Variants in GADD45GIP1 observed in about 807,000 individuals in gnomAD.
GADD45GIP1 encodes the protein GADD45G interacting protein 1.
GADD45GIP1 carries 17 observed loss-of-function variants against 22.1 expected under a neutral mutation model. The ratio of observed to expected loss-of-function variants is 0.77; its 90% CI spans 0.53 to 1.15. GADD45GIP1 has a LOEUF of 1.15. Among genes scored for constraint, GADD45GIP1 ranks in the 50% most tolerant of loss-of-function variants. GADD45GIP1 has a pLI of 0.00. For synonymous variants in GADD45GIP1, 135 were observed against 138.4 expected (o/e 0.98, Z 0.17); for missense variants, 294 against 314.0 (o/e 0.94, Z 0.48).
At chr19:12,956,312 C>T (rs936421450) in intron 1 of GADD45GIP1, among the ~76,000 whole-genome samples, 11 of 152,208 alleles carry the variant, frequency 7.2e-5, no homozygotes, top group African/African-American at 2.7e-4. Context: ...CGAGCCACCG[C>T]CCCCGGCCTG....
Position 12,957,178 on chromosome 19 carries a change from A to G in GADD45GIP1, c.35T>C (p.Leu12Pro), listed in dbSNP as rs1971936064. Residue 12 changes from leucine (L) to proline (P), a missense_variant, in exon 1 of 2, where the codon CTA (leucine) becomes CCA (proline). Leu to Pro is a moderately conservative substitution (Grantham distance 98, BLOSUM62 -3). Transcript: ENST00000316939. The stretch of plus-strand genomic sequence containing the variant: ...CGGGGCCAGGGTCGCCGCCACACCT[A>G]GTAGGCTGCGTGCCTGTCGCACGGA... ...AASVRQARSL[L>P]GVAATLAPGS... 1.4e-6 allele frequency: 2 copies of G among 1,411,510 alleles called. No homozygotes were observed. Among genetic ancestry groups the G allele is most frequent in the Non-Finnish European group, 1.8e-6 (2 of 1,094,454 alleles). The allele number at this position is 1,411,510 out of a possible 1,614,324, so 87.4% of individuals were successfully genotyped here. A position where few individuals can be genotyped will look rare whatever the true frequency, so the allele number is the denominator to read the frequency against.
At position 12,957,039 on chromosome 19, in the gene GADD45GIP1, A is replaced by G. The variant is rs765378112; in HGVS notation, c.174T>C (p.Ala58=). 2 of 1,590,654 alleles carry G rather than the reference A, an allele frequency of 1.3e-6. No individual in the cohort carries two copies. The highest frequency in any genetic ancestry group is 1.1e-5 in the South Asian group (1 of 89,716). Residue 58 remains alanine, a synonymous_variant, in exon 1 of 2, where the codon GCT becomes GCC. Transcript: ENST00000316939. ...PRWQLGPRYA[A]KQFARYGAAS... is the part of the protein sequence containing the mutation. Reference sequence around the variant, plus strand: ...CGGCGCCGTAACGCGCGAACTGCTTAGCCGCGTAGCGCGGTCCCAGCTGCC... The same window carrying G: ...CGGCGCCGTAACGCGCGAACTGCTTGGCCGCGTAGCGCGGTCCCAGCTGCC...
At position 12,953,209 on chromosome 19, in the gene GADD45GIP1, AAG is replaced by A. The variant is rs1971864261; in HGVS notation, c.*997_*998del. 1.3e-5 allele frequency: 7 copies of A among 523,546 alleles called. No homozygotes were observed. Among genetic ancestry groups the A allele is most frequent in the Non-Finnish European group, 2.2e-5 (7 of 312,714 alleles). The allele number at this position is 523,546 out of a possible 1,614,324, so 32.4% of individuals were successfully genotyped here. A position where few individuals can be genotyped will look rare whatever the true frequency, so the allele number is the denominator to read the frequency against. ...AACAGTCCAGCTTCCTGTCCTCCTA[AAG>A]TGGCCCCTGTTCCCATCTCCCGGGC... On this transcript the variant is annotated 3_prime_UTR_variant, in exon 2 of 2. Transcript: ENST00000316939.
In GADD45GIP1 at chr19:12,954,185, C is replaced by T. The variant is rs753238373; in HGVS notation, c.*23G>A. 1.2e-6 allele frequency: 2 copies of T among 1,600,294 alleles called. No individual in the cohort carries two copies. The highest frequency in any genetic ancestry group is 2.7e-5 in the African/African-American group (2 of 74,178). ...TTCAGGGGTACTGCCAGGTAGCAGG[C>T]TTTATTGGGAAGGGACAAAGCCTCA... On this transcript the variant is annotated 3_prime_UTR_variant, in exon 2 of 2. Transcript: ENST00000316939.
chr19:12,954,645 T>C (rs1971901580), intron 1 of GADD45GIP1, 119 bp from the exon 2 acceptor site: 3 of 729,882 alleles, frequency 4.1e-6, no homozygotes, highest in Admixed American at 2.9e-5. Flanking sequence ...CCCCAGTAGA[T>C]TAACTGTCAG....
chr19:12,954,101 A>T lies in GADD45GIP1; in HGVS notation c.*107T>A. On this transcript the variant is annotated 3_prime_UTR_variant, in exon 2 of 2. Coordinates refer to ENST00000316939, the MANE Select transcript of GADD45GIP1 (RefSeq NM_052850.4). Reference sequence around the variant, plus strand: ...CAAGTGGGGGATTCCCCAGCTCTTAAGTATTGGGGGAGGAACCAGGGGACC... The same window carrying T: ...CAAGTGGGGGATTCCCCAGCTCTTATGTATTGGGGGAGGAACCAGGGGACC... The T allele has an allele frequency of 1.0e-6, 1 of 952,438 alleles. No individual in the cohort carries two copies. The highest frequency in any genetic ancestry group is 1.6e-6 in the Non-Finnish European group (1 of 619,522). 59.0% of individuals were successfully genotyped at this position (952,438 alleles called of 1,614,324 possible).
Position 12,954,046 on chromosome 19 carries a change from C to T in GADD45GIP1, c.*162G>A. 1.5e-6 allele frequency: 1 copy of T among 669,438 alleles called. No homozygotes were observed. The allele number at this position is 669,438 out of a possible 1,614,324, so 41.5% of individuals were successfully genotyped here. A position where few individuals can be genotyped will look rare whatever the true frequency, so the allele number is the denominator to read the frequency against. ...TGAAGCCCCAGTTAGTCAGCAGGGC[C>T]TAGAGTCCCTGTCCCCTTTTGAGTA... On this transcript the variant is annotated 3_prime_UTR_variant, in exon 2 of 2. Coordinates refer to ENST00000316939, the MANE Select transcript of GADD45GIP1 (RefSeq NM_052850.4).
chr19:12,956,166 ACACTCTT>A (rs1232516078), intron 1 of GADD45GIP1, among the ~76,000 whole-genome samples: 1 of 152,224 alleles, frequency 6.6e-6, no homozygotes, highest in Non-Finnish European at 1.5e-5. Flanking sequence ...CCTCAGGCAC[ACACTCTT>A]CACTCTTTTA....
rs999741063 is a variant in GADD45GIP1 at position 12,957,207 on chromosome 19, C to A, written c.6G>T (p.Ala2=). The A allele has an allele frequency of 1.5e-5, 21 of 1,394,576 alleles. No individual in the cohort carries two copies. Among genetic ancestry groups the A allele is most frequent in the Non-Finnish European group, 1.8e-5 (20 of 1,083,990 alleles). The allele number at this position is 1,394,576 out of a possible 1,614,324, so 86.4% of individuals were successfully genotyped here. A position where few individuals can be genotyped will look rare whatever the true frequency, so the allele number is the denominator to read the frequency against. M[A]ASVRQARSLL... is the part of the protein sequence containing the mutation. The stretch of plus-strand genomic sequence containing the variant: ...GGCTGCGTGCCTGTCGCACGGACGC[C>A]GCCATCTTGGCTGTGCGGGGTCCTC... The change falls in exon 1 of 2, where the codon GCG becomes GCT. Residue 2 remains alanine, a synonymous_variant. Transcript: ENST00000316939.
At chr19:12,955,897 T>C (rs986061644) in intron 1 of GADD45GIP1, among the ~76,000 whole-genome samples, 1 of 152,146 alleles carries the variant, frequency 6.6e-6, no homozygotes, top group African/African-American at 2.4e-5. Flanking sequence ...CCCTGGTCCT[T>C]CAGACCTGCC....
At chr19:12,955,617 T>C (rs1468038814) in intron 1 of GADD45GIP1, among the ~76,000 whole-genome samples, 1 of 152,010 alleles carries the variant, frequency 6.6e-6, no homozygotes, top group African/African-American at 2.4e-5. Context: ...CCTAGCACTT[T>C]GGGAGGCCGA....
In GADD45GIP1 at chr19:12,956,847, G is replaced by C; in HGVS notation, c.350+16C>G. 1 of 1,593,400 alleles carries C rather than the reference G, an allele frequency of 6.3e-7. No homozygotes were observed. The highest frequency in any genetic ancestry group is 8.5e-7 in the Non-Finnish European group (1 of 1,176,744). ...GGGCACAGAGGGCAGCCCCGCGTCTGCCTGCACGCACGCACCTCTCCCGAC... is the reference window on the plus strand; with the variant it reads ...GGGCACAGAGGGCAGCCCCGCGTCTCCCTGCACGCACGCACCTCTCCCGAC... On this transcript the variant is annotated intron_variant, in intron 1 of 1. Coordinates refer to ENST00000316939, the MANE Select transcript of GADD45GIP1 (RefSeq NM_052850.4).
chr19:12,955,923 T>C (rs1435527628), intron 1 of GADD45GIP1, among the ~76,000 whole-genome samples: 2 of 152,184 alleles, frequency 1.3e-5, no homozygotes, highest in Non-Finnish European at 2.9e-5. Context: ...ATCTGACCTC[T>C]GCCCTCTTGG....
rs1971890873 is a variant in GADD45GIP1 at position 12,954,107 on chromosome 19, G to A, written c.*101C>T. 9.9e-7 allele frequency: 1 copy of A among 1,014,388 alleles called. No individual in the cohort carries two copies. The highest frequency in any genetic ancestry group is 2.4e-5 in the East Asian group (1 of 41,940). The allele number at this position is 1,014,388 out of a possible 1,614,324, so 62.8% of individuals were successfully genotyped here. On this transcript the variant is annotated 3_prime_UTR_variant, in exon 2 of 2. Transcript: ENST00000316939. ...GGGGATTCCCCAGCTCTTAAGTATTGGGGGAGGAACCAGGGGACCCAGAGA... is the reference window on the plus strand; with the variant it reads ...GGGGATTCCCCAGCTCTTAAGTATTAGGGGAGGAACCAGGGGACCCAGAGA...
chr19:12,954,005 C>A lies in GADD45GIP1; in HGVS notation c.*203G>T. 1 of 578,762 alleles carries A rather than the reference C, an allele frequency of 1.7e-6. No individual in the cohort carries two copies. Among genetic ancestry groups the A allele is most frequent in the Non-Finnish European group, 3.1e-6 (1 of 326,374 alleles). The allele number at this position is 578,762 out of a possible 1,614,324, so 35.9% of individuals were successfully genotyped here. A position where few individuals can be genotyped will look rare whatever the true frequency, so the allele number is the denominator to read the frequency against. On this transcript the variant is annotated 3_prime_UTR_variant, in exon 2 of 2. Transcript: ENST00000316939. The stretch of plus-strand genomic sequence containing the variant: ...CTCCATTATTTGCCCATTGTACACC[C>A]CCCTTTTCCTCCCACTGAAGCCCCA...
rs991575552 is a variant in GADD45GIP1 at position 12,953,954 on chromosome 19, G to A, written c.*254C>T. 1.8e-5 allele frequency: 9 copies of A among 490,854 alleles called. No homozygotes were observed. The highest frequency in any genetic ancestry group is 7.8e-5 in the African/African-American group (4 of 51,096). 30.4% of individuals were successfully genotyped at this position (490,854 alleles called of 1,614,324 possible). On this transcript the variant is annotated 3_prime_UTR_variant, in exon 2 of 2. Transcript: ENST00000316939. ...TGGAGATGAATGTTGGTAAACAGAA[G>A]CCTTCTTCTCTTCTGCCATCTGCTT...
At chr19:12,954,899 T>TGAAA (rs769642758) in intron 1 of GADD45GIP1, among the ~76,000 whole-genome samples, 1 of 152,018 alleles carries the variant, frequency 6.6e-6, no homozygotes, top group Non-Finnish European at 1.5e-5. Context: ...GGCACAGGAG[T>TGAAA]GAAAGCAAGA....
In GADD45GIP1 at chr19:12,954,276, C is replaced by T; in HGVS notation, c.601G>A (p.Ala201Thr). The change falls in exon 2 of 2, where the codon GCG becomes ACG. Residue 201 changes from alanine to threonine, a missense_variant. Physicochemically the swap from Ala to Thr is moderately conservative, Grantham distance 58. Coordinates refer to ENST00000316939, the MANE Select transcript of GADD45GIP1 (RefSeq NM_052850.4). Reference protein sequence around the residue: ...KEEKQKRKKEARAAALAAAVA... With the variant: ...KEEKQKRKKETRAAALAAAVA... ...GCTGCAGCCAATGCAGCAGCTCGCG[C>T]CTCCTTCTTCCGTTTCTGTTTTTCC... The T allele has an allele frequency of 6.2e-7, 1 of 1,614,204 alleles. No homozygotes were observed. The highest frequency in any genetic ancestry group is 8.5e-7 in the Non-Finnish European group (1 of 1,180,036).
chr19:12,954,391 C>G lies in GADD45GIP1; in HGVS notation c.486G>C (p.Glu162Asp), dbSNP rs765828533. 19 of 1,614,210 alleles carry G rather than the reference C, an allele frequency of 1.2e-5. No homozygotes were observed. The highest frequency in any genetic ancestry group is 1.6e-5 in the Non-Finnish European group (19 of 1,180,016). ...TTGGGTCCACCTGGTAGCCCAGGAG[C>G]TCCTGGGCCTCAGCCTGCAGTCGGG... is the stretch of plus-strand genomic sequence containing the variant. Reference protein sequence around the residue: ...RRARLQAEAQELLGYQVDPRS... With the variant: ...RRARLQAEAQDLLGYQVDPRS... Residue 162 changes from glutamate (E) to aspartate (D), a missense_variant, in exon 2 of 2, where the codon GAG becomes GAC. Physicochemically the swap from Glu to Asp is conservative, Grantham distance 45. Transcript: ENST00000316939.
Sources: gnomAD v4.1 joint callset for allele counts (sites outside exome capture counted in the v4.1 genomes callset) on GRCh38, gnomAD v4.1.1 for gene constraint, MANE v1.5 for transcripts, NCBI Gene and HGNC (gene_info 2026-07-23, HGNC 2026-07-21) for gene names.